The following ZNF438 variants were observed in gnomAD, a reference collection of about 807,000 sequenced individuals.
The protein encoded by ZNF438 is zinc finger protein 438.
A neutral mutation model predicts 38.0 loss-of-function variants in ZNF438; 25 were observed. The observed-to-expected ratio is 0.66, with a 90% confidence interval of 0.48 to 0.92. The LOEUF (loss-of-function observed/expected upper bound fraction) is 0.92. Among genes scored for constraint, ZNF438 ranks in the 40% least tolerant of loss-of-function variants. The pLI, the probability that ZNF438 is intolerant of heterozygous loss-of-function variation, is 0.00. For synonymous variants in ZNF438, 372 were observed against 364.1 expected (o/e 1.02, Z -0.25); for missense variants, 1,007 against 999.6 (o/e 1.01, Z -0.10).
intron 4 of ZNF438, among the ~76,000 whole-genome samples, chr10:30,874,108 G>GTATA (rs2037958944): frequency 3.7e-5 from 4 of 108,248 alleles, no homozygotes; most frequent in African/African-American, 1.6e-4. Context: ...GTGGGGGTGT[G>GTATA]TGTGTGTATA....
intron 3 of ZNF438, 102 bp from the exon 5 acceptor site, chr10:30,877,167 T>C (rs1190279077): frequency 3.7e-6 from 2 of 537,826 alleles, no homozygotes; most frequent in Non-Finnish European, 6.1e-6. Flanking sequence ...AAGTTTGTTT[T>C]ATAACTATAT....
At chr10:30,898,799 A>G (rs2041658799) in intron 3 of ZNF438, among the ~76,000 whole-genome samples, 1 of 152,148 alleles carries the variant, frequency 6.6e-6, no homozygotes, top group South Asian at 2.1e-4. Context: ...TGTAAAGTCC[A>G]TCCATCAATC....
chr10:30,847,655 C>G (rs763853845), intron 5 of ZNF438, among the ~76,000 whole-genome samples: 1 of 152,168 alleles, frequency 6.6e-6, no homozygotes, highest in Non-Finnish European at 1.5e-5. Flanking sequence ...GTCCTGGGAG[C>G]CCCCTGAGCC....
intron 1 of ZNF438, among the ~76,000 whole-genome samples, chr10:30,990,563 AGAGGT>A (rs1031493637): frequency 1.3e-5 from 2 of 152,236 alleles, no homozygotes; most frequent in Non-Finnish European, 2.9e-5. Flanking sequence ...CAGGTGATTC[AGAGGT>A]ATCCTAAACT....
intron 2 of ZNF438, among the ~76,000 whole-genome samples, chr10:30,936,524 A>C (rs2046273628): frequency 6.6e-6 from 1 of 151,700 alleles, no homozygotes. Flanking sequence ...AAATACAAAA[A>C]TTAGCCAGGC....
intron 4 of ZNF438, among the ~76,000 whole-genome samples, chr10:30,859,872 T>C (rs1272857013): frequency 6.6e-6 from 1 of 152,194 alleles, no homozygotes; most frequent in Non-Finnish European, 1.5e-5. Flanking sequence ...AAGTAGTGTT[T>C]CTATTTTGAA....
intron 1 of ZNF438, among the ~76,000 whole-genome samples, chr10:30,978,925 G>GA (rs1232731417): frequency 6.6e-6 from 1 of 152,170 alleles, no homozygotes; most frequent in African/African-American, 2.4e-5. Context: ...CTCTAGCTAT[G>GA]AAAGTCTTAT....
intron 1 of ZNF438, among the ~76,000 whole-genome samples, chr10:31,009,161 G>C (rs549159527): frequency 6.6e-6 from 1 of 152,060 alleles, no homozygotes; most frequent in Non-Finnish European, 1.5e-5. Flanking sequence ...ATATAAGTCC[G>C]TTATCAGATA....
chr10:30,850,323 A>G (rs772373129), exon 5 of ZNF438: 3 of 1,614,188 alleles, frequency 1.9e-6, no homozygotes, highest in Non-Finnish European at 2.5e-6. Flanking sequence ...TTATTCTGCA[A>G]ACCTTTCCTA....
chr10:30,848,248 G>A (rs1053389910), intron 5 of ZNF438, among the ~76,000 whole-genome samples: 1 of 152,100 alleles, frequency 6.6e-6, no homozygotes, highest in Non-Finnish European at 1.5e-5. Flanking sequence ...TTAAAATAAC[G>A]CAAATTCTGT....
chr10:30,943,467 G>A (rs2047036836), intron 1 of ZNF438, among the ~76,000 whole-genome samples: 1 of 152,120 alleles, frequency 6.6e-6, no homozygotes, highest in African/African-American at 2.4e-5. Context: ...AAAATTGCCA[G>A]AGAAGAAGAA....
rs370329132 is a variant in ZNF438 at position 31,022,655 on chromosome 10, C to T, written c.-192+9178G>A. On this transcript the variant is annotated intron_variant, in intron 1 of 5. Transcript: ENST00000413025. Reference sequence around the variant, plus strand: ...CACTGAAAACTGCAACACCTGCAGCCAGCGTTGGTCAACAGAAAGGGCCCA... The same window carrying T: ...CACTGAAAACTGCAACACCTGCAGCTAGCGTTGGTCAACAGAAAGGGCCCA... Among the ~76,000 whole-genome samples, 7 of 152,270 alleles carry T rather than the reference C, an allele frequency of 4.6e-5. No individual in the cohort carries two copies. The East Asian group carries it at 1.2e-3, about 25-fold the overall frequency.
At chr10:31,013,135 C>T (rs983861728) in intron 1 of ZNF438, among the ~76,000 whole-genome samples, 6 of 152,066 alleles carry the variant, frequency 3.9e-5, no homozygotes, top group Admixed American at 2.6e-4. Flanking sequence ...CCGGCTAAAA[C>T]GGCGAAACCC....
intron 1 of ZNF438, among the ~76,000 whole-genome samples, chr10:31,027,213 C>T (rs1285596133): frequency 6.6e-6 from 1 of 151,926 alleles, no homozygotes; most frequent in Non-Finnish European, 1.5e-5. Flanking sequence ...GCATGTTGTG[C>T]TCATGTACCC....
intron 5 of ZNF438, 57 bp from the exon 7 acceptor site, chr10:30,845,630 T>C: frequency 6.5e-7 from 1 of 1,549,188 alleles, no homozygotes; most frequent in Middle Eastern, 1.7e-4. Flanking sequence ...AATTGGAATC[T>C]TTCCTCTCAG....
chr10:31,018,274 C>A (rs1039706681), intron 1 of ZNF438, among the ~76,000 whole-genome samples: 1 of 152,224 alleles, frequency 6.6e-6, no homozygotes, highest in African/African-American at 2.4e-5. Context: ...CCTCCTTTAG[C>A]TGTATATTAT....
chr10:31,013,255 C>T (rs2055886427), intron 1 of ZNF438, among the ~76,000 whole-genome samples: 2 of 151,978 alleles, frequency 1.3e-5, no homozygotes, highest in Admixed American at 1.3e-4. Context: ...GGAGGCGGAG[C>T]TTGCAGTGAG....
intron 1 of ZNF438, among the ~76,000 whole-genome samples, chr10:31,014,216 A>G (rs1363518183): frequency 6.6e-6 from 1 of 152,218 alleles, no homozygotes; most frequent in Middle Eastern, 3.2e-3. Flanking sequence ...AGTTAGGAGC[A>G]TAGGCTTTGT....
chr10:30,964,980 A>G (rs1477992417), intron 1 of ZNF438, among the ~76,000 whole-genome samples: 2 of 152,214 alleles, frequency 1.3e-5, no homozygotes, highest in African/African-American at 4.8e-5. Context: ...TTGCACAGCA[A>G]AAGAACTATC....
Sources: gnomAD v4.1 joint callset for allele counts (sites outside exome capture counted in the v4.1 genomes callset) on GRCh38, gnomAD v4.1.1 for gene constraint, MANE v1.5 for transcripts, NCBI Gene and HGNC (gene_info 2026-07-23, HGNC 2026-07-21) for gene names.